NTRK3: variants seen among roughly 807,000 people sequenced by gnomAD.
NTRK3 encodes NT-3 growth factor receptor.
NTRK3 carries 24 observed loss-of-function variants against 91.7 expected under a neutral mutation model. That is an observed-to-expected ratio of 0.26 (90% CI 0.19 to 0.37). NTRK3 has a LOEUF of 0.37. Ranked by LOEUF, NTRK3 falls within the 10% of genes least tolerant of loss-of-function variation. NTRK3 has a pLI of 1.00. For synonymous variants in NTRK3, 483 were observed against 404.0 expected, an observed-to-expected ratio of 1.20 and a Z score of -2.34; for missense variants, 880 against 1,068.9, an observed-to-expected ratio of 0.82 and a Z score of 2.46.
chr15:88,210,450 T>C (rs997301708), intron 3 of NTRK3, among the ~76,000 whole-genome samples: 2 of 152,232 alleles, frequency 1.3e-5, no homozygotes, highest in African/African-American at 4.8e-5. Context: ...CAGAATGTCC[T>C]GTATCTCAAG....
intron 13 of NTRK3, among the ~76,000 whole-genome samples, chr15:88,048,973 T>C (rs1017794620): frequency 1.3e-5 from 2 of 152,178 alleles, no homozygotes; most frequent in African/African-American, 2.4e-5. Context: ...AACCTCCCAC[T>C]ACCCTACAAC....
chr15:88,223,743 C>T (rs930889773), intron 3 of NTRK3, among the ~76,000 whole-genome samples: 1 of 152,176 alleles, frequency 6.6e-6, no homozygotes, highest in African/African-American at 2.4e-5. Context: ...CAGTGGGCTA[C>T]TGCACATTAA....
At chr15:88,062,560 T>G (rs1352790366) in intron 13 of NTRK3, among the ~76,000 whole-genome samples, 2 of 152,156 alleles carry the variant, frequency 1.3e-5, no homozygotes, top group African/African-American at 4.8e-5. Flanking sequence ...GCTGCCAATT[T>G]AGCCAATGAA....
At position 88,009,400 on chromosome 15, in the gene NTRK3, A is replaced by G. The variant is rs368293174; in HGVS notation, c.1585+23457T>C. Among the ~76,000 whole-genome samples, 5 of 152,310 alleles carry G rather than the reference A, an allele frequency of 3.3e-5. No individual in the cohort carries two copies. The South Asian group carries it at 8.3e-4, about 25-fold the overall frequency. ...AATAAGGAGAAAAGGAGACTCTGGC[A>G]AAAAGGGGAACACAAGCTCTGGAAA... On this transcript the variant is annotated intron_variant, in intron 14 of 18. Transcript: ENST00000394480.
exon 19 of NTRK3, chr15:87,868,949 A>G (rs2064756942): frequency 8.8e-6 from 2 of 227,310 alleles, no homozygotes; most frequent in Non-Finnish European, 1.8e-5. Flanking sequence ...CCTTGTTGCA[A>G]TGGGATCTTG....
intron 17 of NTRK3, among the ~76,000 whole-genome samples, chr15:87,917,460 A>G (rs78444630): frequency 0.011 from 1,748 of 152,344 alleles, 17 homozygotes; most frequent in South Asian, 0.024. Context: ...TTTCTTTAAA[A>G]TTGAATGATT....
chr15:87,911,200 A>G (rs957695753), intron 17 of NTRK3, among the ~76,000 whole-genome samples: 5 of 152,192 alleles, frequency 3.3e-5, no homozygotes, highest in African/African-American at 1.2e-4. Flanking sequence ...GAAAGGATTC[A>G]GGCTGTGAAT....
intron 14 of NTRK3, among the ~76,000 whole-genome samples, chr15:88,008,417 C>A (rs1026137013): frequency 2.6e-5 from 4 of 151,980 alleles, no homozygotes; most frequent in Admixed American, 2.0e-4. Context: ...TACATGTGAG[C>A]CCCGAGAGAA....
intron 14 of NTRK3, among the ~76,000 whole-genome samples, chr15:87,986,134 T>G (rs978045060): frequency 6.6e-6 from 1 of 152,258 alleles, no homozygotes; most frequent in Admixed American, 6.5e-5. Flanking sequence ...CTGAGCATCT[T>G]CTTTTCTTGC....
At chr15:88,254,651 G>A (rs1041592678) in intron 3 of NTRK3, among the ~76,000 whole-genome samples, 1 of 152,174 alleles carries the variant, frequency 6.6e-6, no homozygotes, top group Non-Finnish European at 1.5e-5. Context: ...AAGGGGAGGT[G>A]CTCCCAGAGC....
rs1036348195 is a variant in NTRK3 at position 88,191,888 on chromosome 15, G to A, written c.249-7589C>T. 2.0e-5 allele frequency among the ~76,000 whole-genome samples: 3 copies of A among 152,240 alleles called. No homozygotes were observed. In the East Asian group the frequency reaches 5.8e-4, roughly 29 times the overall value. ...CCCTTGACAGCTGTTGTGGGGGACA[G>A]TGTGCTAGATGCCTGGGGAGCCAGA... On this transcript the variant is annotated intron_variant, in intron 3 of 18. Coordinates refer to ENST00000394480, the Ensembl canonical transcript of NTRK3.
chr15:88,105,890 G>A (rs766240344), intron 13 of NTRK3, among the ~76,000 whole-genome samples: 5 of 152,140 alleles, frequency 3.3e-5, no homozygotes, highest in Non-Finnish European at 5.9e-5. Flanking sequence ...TTACAGATGA[G>A]GACAGCAGAA....
intron 17 of NTRK3, among the ~76,000 whole-genome samples, chr15:87,912,929 AAAATATATATATATAT>A (rs1555435272): frequency 0.032 from 477 of 15,092 alleles, 19 homozygotes; most frequent in African/African-American, 0.12. Context: ...AAAGTAAAAA[AAAATATATATATATAT>A]ATATATATAT....
At chr15:88,003,193 C>T (rs2076240731) in intron 14 of NTRK3, among the ~76,000 whole-genome samples, 1 of 152,376 alleles carries the variant, frequency 6.6e-6, no homozygotes, top group South Asian at 2.1e-4. Context: ...GGCACACACA[C>T]AGAATGGTCT....
chr15:88,164,759 C>G (rs2044774246), intron 5 of NTRK3, among the ~76,000 whole-genome samples: 1 of 152,184 alleles, frequency 6.6e-6, no homozygotes, highest in African/African-American at 2.4e-5. Flanking sequence ...TTCTCTGCCC[C>G]CTCTCTGTTA....
chr15:87,939,660 A>C (rs1438319441), intron 15 of NTRK3, among the ~76,000 whole-genome samples: 1 of 152,114 alleles, frequency 6.6e-6, no homozygotes, highest in Non-Finnish European at 1.5e-5. Context: ...CTTCACGGGG[A>C]GCCATATCTC....
chr15:87,991,416 T>C (rs989281378), intron 14 of NTRK3, among the ~76,000 whole-genome samples: 5 of 152,224 alleles, frequency 3.3e-5, no homozygotes, highest in Admixed American at 1.3e-4. Context: ...TCTAGCCGTC[T>C]GCTCCTCTCT....
At chr15:88,011,637 A>G (rs1349532480) in intron 14 of NTRK3, among the ~76,000 whole-genome samples, 1 of 152,130 alleles carries the variant, frequency 6.6e-6, no homozygotes, top group Admixed American at 6.5e-5. Context: ...AGATATACAC[A>G]TCCTGGCAGT....
chr15:88,255,861 G>C lies in NTRK3; in HGVS notation c.248+45C>G. ...GGCCGCGGGTGGGCAGGAGGGAGAC[G>C]CAGAGCGCGGGGGAGGCAGGCTGGG... is the stretch of plus-strand genomic sequence containing the variant. On this transcript the variant is annotated intron_variant, in intron 3 of 18. Coordinates refer to ENST00000394480, the Ensembl canonical transcript of NTRK3. The surrounding 1 kb of genome is among the most constrained non-coding windows in gnomAD (Gnocchi z 4.3). The C allele has an allele frequency of 6.4e-7, 1 of 1,560,406 alleles. No individual in the cohort carries two copies. Among genetic ancestry groups the C allele is most frequent in the South Asian group, 1.2e-5 (1 of 85,408 alleles).
Sources: gnomAD v4.1 joint callset for allele counts (sites outside exome capture counted in the v4.1 genomes callset) on GRCh38, gnomAD v4.1.1 for gene constraint, Gnocchi (gnomAD v3.1) non-coding constraint, MANE v1.5 for transcripts, NCBI Gene and HGNC (gene_info 2026-07-23, HGNC 2026-07-21) for gene names.